The following GNAO1 variants were observed in gnomAD, a reference collection of about 807,000 sequenced individuals.
The protein encoded by GNAO1 is guanine nucleotide-binding protein G(o) subunit alpha.
For synonymous variants in GNAO1, 164 were observed against 180.7 expected (o/e 0.91, Z 0.74); for missense variants, 166 against 478.7 (o/e 0.35, Z 6.10).
chr16:56,326,770 G>A lies in GNAO1; in HGVS notation c.304-1861G>A, dbSNP rs1414966835. ...GCTCCATGGGCAGAGGCAGGAGGGC[G>A]GCCCGGGGCAGCACCTGCTCTGCTC... On this transcript the variant is annotated intron_variant, in intron 3 of 8. Coordinates refer to ENST00000262493, the MANE Select transcript of GNAO1 (RefSeq NM_020988.3). This position sits in a 1 kb window ranked among gnomAD's most constrained non-coding sequence, Gnocchi z 4.8. 3.3e-5 allele frequency among the ~76,000 whole-genome samples: 5 copies of A among 152,216 alleles called. No homozygotes were observed. Among genetic ancestry groups the A allele is most frequent in the African/African-American group, 1.2e-4 (5 of 41,454 alleles).
intron 2 of GNAO1, among the ~76,000 whole-genome samples, chr16:56,233,630 G>A (rs775140461): frequency 6.6e-6 from 1 of 152,202 alleles, no homozygotes; most frequent in Admixed American, 6.5e-5. Flanking sequence ...AAGAATCCAA[G>A]CTTGTGGATT....
At chr16:56,210,613 A>C (rs1433679641) in intron 2 of GNAO1, among the ~76,000 whole-genome samples, 5 of 152,178 alleles carry the variant, frequency 3.3e-5, no homozygotes, top group African/African-American at 1.2e-4. Flanking sequence ...GTCCATTCTA[A>C]TATGTATGTT....
intron 2 of GNAO1, among the ~76,000 whole-genome samples, chr16:56,202,194 G>A (rs1360445410): frequency 6.6e-6 from 1 of 152,172 alleles, no homozygotes; most frequent in African/African-American, 2.4e-5. Context: ...GGCAGGAAGT[G>A]GTTAGTTGAG....
chr16:56,206,186 G>C (rs367897833), intron 2 of GNAO1, among the ~76,000 whole-genome samples: 2 of 152,076 alleles, frequency 1.3e-5, no homozygotes, highest in East Asian at 1.9e-4. Flanking sequence ...TGGGCATGGT[G>C]GTGGGCGACT....
At chr16:56,210,831 T>A (rs1403082882) in intron 2 of GNAO1, among the ~76,000 whole-genome samples, 7 of 152,262 alleles carry the variant, frequency 4.6e-5, no homozygotes, top group African/African-American at 1.7e-4. Context: ...TTTTATCTGG[T>A]CTTTTGCAAA....
At chr16:56,337,823 G>A (rs890834271) in intron 6 of GNAO1, among the ~76,000 whole-genome samples, 7 of 152,128 alleles carry the variant, frequency 4.6e-5, no homozygotes, top group Admixed American at 1.3e-4. Flanking sequence ...GCCAGGCACC[G>A]AGCATGGCCC....
At chr16:56,350,154 G>A (rs771040975) in intron 6 of GNAO1, among the ~76,000 whole-genome samples, 3 of 152,066 alleles carry the variant, frequency 2.0e-5, no homozygotes, top group Non-Finnish European at 4.4e-5. Context: ...CAGCACCCAC[G>A]GTGTGCTCAC....
rs763358420 is a variant in GNAO1, at chr16:56,354,264, C to T, written c.878-602C>T. The stretch of plus-strand genomic sequence containing the variant: ...GCCACTGCTGTCCCAGGCGGGGCTT[C>T]CGGGTGGATCTGGTGTGAAAACAGT... On this transcript the variant is annotated intron_variant, in intron 7 of 8. Coordinates refer to ENST00000262493, the MANE Select transcript of GNAO1 (RefSeq NM_020988.3). The surrounding 1 kb of genome is among the most constrained non-coding windows in gnomAD (Gnocchi z 4.3). 3.9e-5 allele frequency among the ~76,000 whole-genome samples: 6 copies of T among 152,238 alleles called. No individual in the cohort carries two copies. Among genetic ancestry groups the T allele is most frequent in the East Asian group, 3.8e-4 (2 of 5,196 alleles).
intron 2 of GNAO1, among the ~76,000 whole-genome samples, chr16:56,269,434 G>A (rs753625594): frequency 1.4e-4 from 22 of 152,048 alleles, no homozygotes; most frequent in Non-Finnish European, 1.9e-4. Flanking sequence ...CCCGTCCCTC[G>A]TACCAAGTAT....
intron 2 of GNAO1, among the ~76,000 whole-genome samples, chr16:56,236,350 A>T (rs1283830549): frequency 6.6e-6 from 1 of 152,180 alleles, no homozygotes; most frequent in Non-Finnish European, 1.5e-5. Context: ...ACACATACAG[A>T]AGGAGAGAGA....
chr16:56,284,618 C>A (rs2037146847), intron 3 of GNAO1, among the ~76,000 whole-genome samples: 1 of 152,174 alleles, frequency 6.6e-6, no homozygotes, highest in Non-Finnish European at 1.5e-5. Flanking sequence ...CTCCCCCAAG[C>A]CCCTCCCAGC....
chr16:56,261,215 G>A (rs1482277612), intron 2 of GNAO1, among the ~76,000 whole-genome samples: 21 of 152,218 alleles, frequency 1.4e-4, no homozygotes, highest in Non-Finnish European at 2.9e-4. Context: ...TGATTTCCCT[G>A]AGGAGCCCCC....
intron 6 of GNAO1, chr16:56,347,532 A>G (rs973598359): frequency 1.0e-6 from 1 of 985,484 alleles, no homozygotes; most frequent in African/African-American, 1.7e-5. Flanking sequence ...CTGCAGCCAG[A>G]TGAAGGCCCC....
intron 2 of GNAO1, among the ~76,000 whole-genome samples, chr16:56,257,268 G>A (rs2036860552): frequency 6.6e-6 from 1 of 152,314 alleles, no homozygotes; most frequent in African/African-American, 2.4e-5. Flanking sequence ...GCAATCCATG[G>A]TCTTAGCCCT....
Position 56,295,948 on chromosome 16 carries a change from G to A in GNAO1, c.303+19876G>A, listed in dbSNP as rs1431020732. Among the ~76,000 whole-genome samples the A allele has an allele frequency of 4.6e-5, 7 of 152,352 alleles. No individual in the cohort carries two copies. In the East Asian group the frequency reaches 1.2e-3, roughly 25 times the overall value. ...AGGCTCTATTCTTAGCCAAACAGCAGTTAATTCTCTTCCCGTACCTTCCAG... is the reference window on the plus strand; with the variant it reads ...AGGCTCTATTCTTAGCCAAACAGCAATTAATTCTCTTCCCGTACCTTCCAG... On this transcript the variant is annotated intron_variant, in intron 3 of 8. Coordinates refer to ENST00000262493, the MANE Select transcript of GNAO1 (RefSeq NM_020988.3).
intron 3 of GNAO1, among the ~76,000 whole-genome samples, chr16:56,293,994 C>T (rs1354577604): frequency 6.6e-6 from 1 of 152,196 alleles, no homozygotes; most frequent in African/African-American, 2.4e-5. Context: ...TTAGGAAACA[C>T]CAAGTCATAT....
chr16:56,237,366 C>A (rs1352656185), intron 2 of GNAO1, among the ~76,000 whole-genome samples: 5 of 152,092 alleles, frequency 3.3e-5, no homozygotes, highest in African/African-American at 9.7e-5. Flanking sequence ...TTCATGAACC[C>A]CTCCTCTTGT....
chr16:56,218,860 C>G (rs118036854), intron 2 of GNAO1, among the ~76,000 whole-genome samples: 10 of 152,350 alleles, frequency 6.6e-5, no homozygotes, highest in Non-Finnish European at 1.5e-4. Context: ...CGGAAGCCTT[C>G]TTTGAACCCA....
chr16:56,285,432 A>T (rs2037156963), intron 3 of GNAO1, among the ~76,000 whole-genome samples: 1 of 151,912 alleles, frequency 6.6e-6, no homozygotes, highest in Non-Finnish European at 1.5e-5. Context: ...TGGCAGCTAC[A>T]CAGGGGGAAC....
Sources: gnomAD v4.1 joint callset for allele counts (sites outside exome capture counted in the v4.1 genomes callset) on GRCh38, gnomAD v4.1.1 for gene constraint, Gnocchi (gnomAD v3.1) non-coding constraint, MANE v1.5 for transcripts, NCBI Gene and HGNC (gene_info 2026-07-23, HGNC 2026-07-21) for gene names.